Variants in SETBP1 observed in about 807,000 individuals in gnomAD.
SETBP1 encodes the protein SET-binding protein.
Under a neutral mutation model 101.0 loss-of-function variants are expected in SETBP1, and 9 were observed. The ratio of observed to expected loss-of-function variants is 0.09; its 90% CI spans 0.05 to 0.16. The LOEUF is 0.16. SETBP1 is among the 10% of genes least tolerant of loss of function. The pLI is 1.00. For synonymous variants in SETBP1, 818 were observed against 788.5 expected, an observed-to-expected ratio of 1.04 and a Z score of -0.63; for missense variants, 1,858 against 2,033.8, an observed-to-expected ratio of 0.91 and a Z score of 1.66.
At chr18:44,761,559 A>G (rs1390460293) in intron 2 of SETBP1, among the ~76,000 whole-genome samples, 1 of 152,244 alleles carries the variant, frequency 6.6e-6, no homozygotes, top group Non-Finnish European at 1.5e-5. Context: ...CATTCTTTAC[A>G]GCACCCTACT....
At chr18:44,798,740 A>T (rs936238177) in intron 2 of SETBP1, among the ~76,000 whole-genome samples, 5 of 152,196 alleles carry the variant, frequency 3.3e-5, no homozygotes, top group African/African-American at 1.2e-4. Context: ...ACTGAACTTA[A>T]CATATTGCCC....
At chr18:44,777,175 G>T (rs2071022154) in intron 2 of SETBP1, among the ~76,000 whole-genome samples, 1 of 152,120 alleles carries the variant, frequency 6.6e-6, no homozygotes, top group Non-Finnish European at 1.5e-5. Flanking sequence ...AAATTAGCTG[G>T]ACATGGTGGT....
At chr18:44,855,570 G>A (rs1683348585) in intron 2 of SETBP1, among the ~76,000 whole-genome samples, 1 of 152,222 alleles carries the variant, frequency 6.6e-6, no homozygotes, top group Admixed American at 6.5e-5. Flanking sequence ...GCCAACTCAT[G>A]CTAGGTGGCA....
intron 3 of SETBP1, chr18:44,872,274 T>C (rs193287949): frequency 6.6e-6 from 1 of 152,204 alleles, no homozygotes; most frequent in Non-Finnish European, 1.5e-5. Flanking sequence ...TGTAGAAATT[T>C]GGAATATACA....
intron 3 of SETBP1, among the ~76,000 whole-genome samples, chr18:44,886,564 G>A (rs980410870): frequency 7.9e-5 from 12 of 151,818 alleles, no homozygotes. Context: ...AAGTAAAAAA[G>A]CAATGTTTAA....
chr18:45,004,020 G>A (rs2072673447), intron 4 of SETBP1, among the ~76,000 whole-genome samples: 2 of 152,182 alleles, frequency 1.3e-5, no homozygotes, highest in Admixed American at 6.5e-5. Context: ...GTAGAAGCCA[G>A]GGATGCTGCT....
At chr18:44,710,004 G>A (rs554702104) in intron 2 of SETBP1, among the ~76,000 whole-genome samples, 3 of 151,870 alleles carry the variant, frequency 2.0e-5, no homozygotes, top group East Asian at 1.9e-4. Context: ...TTCAGCTGGC[G>A]GCTGCTACTC....
intron 2 of SETBP1, among the ~76,000 whole-genome samples, chr18:44,850,161 C>A (rs2072818815): frequency 6.6e-6 from 1 of 152,142 alleles, no homozygotes; most frequent in South Asian, 2.1e-4. Context: ...AAAACTGCAA[C>A]ATTAACTCAT....
At chr18:44,734,316 G>A (rs138760091) in intron 2 of SETBP1, among the ~76,000 whole-genome samples, 151 of 152,194 alleles carry the variant, frequency 9.9e-4, no homozygotes, top group African/African-American at 3.4e-3. Context: ...GCTAGTATTC[G>A]TTTCTTCCCT....
intron 5 of SETBP1, among the ~76,000 whole-genome samples, chr18:45,044,239 T>G (rs962043466): frequency 2.0e-5 from 3 of 152,196 alleles, no homozygotes; most frequent in Admixed American, 6.5e-5. Context: ...TTGTGCCCAG[T>G]CTAAACACTT....
chr18:45,037,403 A>G (rs1253812567), intron 4 of SETBP1, among the ~76,000 whole-genome samples: 1 of 152,128 alleles, frequency 6.6e-6, no homozygotes, highest in Non-Finnish European at 1.5e-5. Flanking sequence ...TAGTAATGAT[A>G]GTCGCAATAA....
chr18:44,837,212 A>G (rs1210081960), intron 2 of SETBP1, among the ~76,000 whole-genome samples: 3 of 152,216 alleles, frequency 2.0e-5, no homozygotes, highest in Non-Finnish European at 2.9e-5. Context: ...GACACTGTCC[A>G]TATAAGGCAA....
chr18:45,040,291 T>C (rs571069265), intron 5 of SETBP1, among the ~76,000 whole-genome samples: 295 of 152,096 alleles, frequency 1.9e-3, no homozygotes, highest in Non-Finnish European at 3.0e-3. Context: ...CACACAGAAA[T>C]GCAGAGGAAG....
chr18:45,026,951 G>T (rs2073178121), intron 4 of SETBP1, among the ~76,000 whole-genome samples: 1 of 152,120 alleles, frequency 6.6e-6, no homozygotes, highest in Non-Finnish European at 1.5e-5. Context: ...CACCACCACT[G>T]ACCTGGGAAG....
At chr18:44,718,822 G>A (rs916957490) in intron 2 of SETBP1, among the ~76,000 whole-genome samples, 1 of 152,126 alleles carries the variant, frequency 6.6e-6, no homozygotes, top group African/African-American at 2.4e-5. Context: ...CAGAGCTGCT[G>A]CAGATACTCT....
At position 44,763,783 on chromosome 18, in the gene SETBP1, G is replaced by A. The variant is rs118191434; in HGVS notation, c.486+61951G>A. ...CTCCTTTTTAAAATATGTTTCCCTT[G>A]GCTTCTGGGACACCGCTCTTTATTC... On this transcript the variant is annotated intron_variant, in intron 2 of 5. Transcript: ENST00000649279. 4.6e-3 allele frequency among the ~76,000 whole-genome samples: 705 copies of A among 152,140 alleles called. 11 individuals carry two copies. The highest frequency in any genetic ancestry group is 0.024 in the South Asian group (117 of 4,804).
intron 4 of SETBP1, among the ~76,000 whole-genome samples, chr18:44,957,935 AG>A (rs1309545273): frequency 6.6e-6 from 1 of 152,212 alleles, no homozygotes; most frequent in Non-Finnish European, 1.5e-5. Flanking sequence ...TCCAATTCTG[AG>A]TCCTCTTGTG....
intron 4 of SETBP1, among the ~76,000 whole-genome samples, chr18:45,002,446 A>G (rs1485015879): frequency 1.3e-5 from 2 of 152,198 alleles, no homozygotes; most frequent in Non-Finnish European, 2.9e-5. Context: ...GTTTGCCTCA[A>G]TACTGTTCGT....
At chr18:44,723,507 G>A (rs565034282) in intron 2 of SETBP1, among the ~76,000 whole-genome samples, 1 of 151,754 alleles carries the variant, frequency 6.6e-6, no homozygotes, top group South Asian at 2.1e-4. Flanking sequence ...TCGGCGGGGG[G>A]AAAAAAAACA....
Sources: gnomAD v4.1 joint callset for allele counts (sites outside exome capture counted in the v4.1 genomes callset) on GRCh38, gnomAD v4.1.1 for gene constraint, MANE v1.5 for transcripts, NCBI Gene and HGNC (gene_info 2026-07-23, HGNC 2026-07-21) for gene names.